ACOT13: variants seen among roughly 807,000 people sequenced by gnomAD.
The protein encoded by ACOT13 is acyl-CoA thioesterase 13.
Under a neutral mutation model 11.8 loss-of-function variants are expected in ACOT13, and 10 were observed. The observed-to-expected ratio is 0.85, with a 90% CI of 0.53 to 1.44. ACOT13 has a LOEUF of 1.44. ACOT13 is among the 40% of genes most tolerant of loss of function. The pLI is 0.00. For missense variants in ACOT13, 172 were observed against 174.1 expected, an observed-to-expected ratio of 0.99 and a Z score of 0.07; for synonymous variants, 53 against 61.0, an observed-to-expected ratio of 0.87 and a Z score of 0.61.
chr6:24,684,868 C>T (rs1778604930), intron 1 of ACOT13, among the ~76,000 whole-genome samples: 1 of 151,950 alleles, frequency 6.6e-6, no homozygotes, highest in African/African-American at 2.4e-5. Context: ...AAAAATTTTC[C>T]AGGCATGATA....
intron 1 of ACOT13, among the ~76,000 whole-genome samples, chr6:24,685,433 G>A (rs1778614683): frequency 6.9e-6 from 1 of 145,092 alleles, no homozygotes; most frequent in Non-Finnish European, 1.5e-5. Context: ...TGCAAGCTCC[G>A]CCTCCCGGGT....
At chr6:24,689,390 T>C (rs1359236214) in intron 1 of ACOT13, among the ~76,000 whole-genome samples, 1 of 150,228 alleles carries the variant, frequency 6.7e-6, no homozygotes, top group African/African-American at 2.5e-5. Flanking sequence ...GCGTGCCTTC[T>C]CCTTTTGGGT....
Position 24,702,323 on chromosome 6 carries a change from C to G in ACOT13, c.*708C>G, listed in dbSNP as rs1168277869. ...AACAGGGTTCACCATGTTGGCCAGG[C>G]TGGTCTCGAACTCGTGACCTCAGGT... On this transcript the variant is annotated 3_prime_UTR_variant, in exon 3 of 3. Coordinates refer to ENST00000230048, the MANE Select transcript of ACOT13 (RefSeq NM_018473.4). 1.3e-5 allele frequency: 2 copies of G among 152,320 alleles called. No homozygotes were observed. Among genetic ancestry groups the G allele is most frequent in the Non-Finnish European group, 2.9e-5 (2 of 68,140 alleles). The allele number at this position is 152,320 out of a possible 1,614,324, so 9.4% of individuals were successfully genotyped here. A position where few individuals can be genotyped will look rare whatever the true frequency, so the allele number is the denominator to read the frequency against.
chr6:24,695,186 G>A (rs1313915582), intron 1 of ACOT13, among the ~76,000 whole-genome samples: 1 of 152,110 alleles, frequency 6.6e-6, no homozygotes, highest in Non-Finnish European at 1.5e-5. Flanking sequence ...GCACGCACCT[G>A]TAGTCCCATC....
At position 24,702,662 on chromosome 6, in the gene ACOT13, A is replaced by G. The variant is rs1778912438; in HGVS notation, c.*1047A>G. 6.6e-6 allele frequency: 1 copy of G among 152,184 alleles called. No homozygotes were observed. The highest frequency in any genetic ancestry group is 1.5e-5 in the Non-Finnish European group (1 of 68,024). 9.4% of individuals were successfully genotyped at this position (152,184 alleles called of 1,614,324 possible). ...AGATTATGAAACTTCAAAATATATG[A>G]ACTACAGCCCATATTGAAAAATAAA... On this transcript the variant is annotated 3_prime_UTR_variant, in exon 3 of 3. Coordinates refer to ENST00000230048, the MANE Select transcript of ACOT13 (RefSeq NM_018473.4).
At chr6:24,693,184 T>C (rs1480735427) in intron 1 of ACOT13, among the ~76,000 whole-genome samples, 2 of 152,222 alleles carry the variant, frequency 1.3e-5, no homozygotes, top group African/African-American at 2.4e-5. Context: ...TTCACAAATA[T>C]ACACATACAA....
In ACOT13 at chr6:24,703,619, G is replaced by T. The variant is rs561099329; in HGVS notation, c.*2004G>T. ...TCTCTTACAACAAATGCTGTAAATG[G>T]ACAAAGCATTAGATTTGGAAAATCA... is the stretch of plus-strand genomic sequence containing the variant. On this transcript the variant is annotated 3_prime_UTR_variant, in exon 3 of 3. Transcript: ENST00000230048. 6.6e-6 allele frequency: 1 copy of T among 152,202 alleles called. No individual in the cohort carries two copies. Among genetic ancestry groups the T allele is most frequent in the South Asian group, 2.1e-4 (1 of 4,830 alleles). The allele number at this position is 152,202 out of a possible 1,614,324, so 9.4% of individuals were successfully genotyped here.
At chr6:24,674,419 G>GT (rs1472286454) in intron 1 of ACOT13, among the ~76,000 whole-genome samples, 3 of 150,624 alleles carry the variant, frequency 2.0e-5, no homozygotes, top group Admixed American at 6.6e-5. Flanking sequence ...TTGTTTTTTT[G>GT]TTTTTTTGAG....
chr6:24,673,328 T>C (rs747562965), intron 1 of ACOT13, among the ~76,000 whole-genome samples: 2 of 152,250 alleles, frequency 1.3e-5, no homozygotes, highest in East Asian at 3.9e-4. Context: ...GCAATAAAAA[T>C]TGAACTTTCA....
chr6:24,698,067 C>T lies in ACOT13; in HGVS notation c.266C>T (p.Thr89Met), dbSNP rs370510266. The T allele has an allele frequency of 9.4e-6, 15 of 1,595,378 alleles. No homozygotes were observed. Among genetic ancestry groups the T allele is most frequent in the East Asian group, 2.3e-5 (1 of 44,416 alleles). Residue 89 changes from threonine to methionine, a missense_variant and splice_region_variant, in exon 2 of 3, where the codon ACG (threonine) becomes ATG (methionine). Thr to Met is a moderately conservative substitution (Grantham distance 81). Coordinates refer to ENST00000230048, the MANE Select transcript of ACOT13 (RefSeq NM_018473.4). ...GGAGTCAGTGTCGATATGAACATAA[C>T]GTATGTATCCAAACTGTATTCCAAA... ...APGVSVDMNI[T>M]YMSPAKLGED...
intron 1 of ACOT13, among the ~76,000 whole-genome samples, chr6:24,667,683 C>A (rs1040382775): frequency 7.2e-5 from 11 of 152,298 alleles, no homozygotes; most frequent in African/African-American, 2.6e-4. Flanking sequence ...AGGCACATTA[C>A]AGTCTAATTC....
intron 1 of ACOT13, among the ~76,000 whole-genome samples, chr6:24,688,205 A>G (rs978035598): frequency 1.3e-5 from 2 of 152,006 alleles, no homozygotes; most frequent in Admixed American, 1.3e-4. Context: ...TCAAAGATCT[A>G]TGCACAAAAA....
chr6:24,667,230 T>G lies in ACOT13; in HGVS notation c.-34T>G. 6.2e-7 allele frequency: 1 copy of G among 1,608,292 alleles called. No homozygotes were observed. Among genetic ancestry groups the G allele is most frequent in the Non-Finnish European group, 8.5e-7 (1 of 1,175,534 alleles). ...TTCCAGCTCTTCCGAAGTTCGTTCT[T>G]GCGCAAAGCCCAAAGGCTGGAAAAC... is the stretch of plus-strand genomic sequence containing the variant. On this transcript the variant is annotated 5_prime_UTR_variant, in exon 1 of 3. Coordinates refer to ENST00000230048, the MANE Select transcript of ACOT13 (RefSeq NM_018473.4).
chr6:24,668,000 G>A (rs1464137330), intron 1 of ACOT13, among the ~76,000 whole-genome samples: 1 of 152,156 alleles, frequency 6.6e-6, no homozygotes, highest in African/African-American at 2.4e-5. Flanking sequence ...CACCTCCCTG[G>A]TTCAAACAAT....
Position 24,701,813 on chromosome 6 carries a change from G to A in ACOT13, c.*198G>A, listed in dbSNP as rs1418821407. The A allele has an allele frequency of 1.6e-5, 8 of 491,888 alleles. No individual in the cohort carries two copies. The East Asian group carries it at 2.0e-4, about 13-fold the overall frequency. The allele number at this position is 491,888 out of a possible 1,614,324, so 30.5% of individuals were successfully genotyped here. On this transcript the variant is annotated 3_prime_UTR_variant, in exon 3 of 3. Transcript: ENST00000230048. Reference sequence around the variant, plus strand: ...TTTAAGCATCTTGTTTTCTAATCATGTGTGATAATTGGGTGAAAAATTCTT... The same window carrying A: ...TTTAAGCATCTTGTTTTCTAATCATATGTGATAATTGGGTGAAAAATTCTT...
Position 24,697,619 on chromosome 6 carries a change from A to G in ACOT13, c.82-264A>G, listed in dbSNP as rs372010825. Among the ~76,000 whole-genome samples the G allele has an allele frequency of 4.7e-4, 72 of 152,352 alleles. No homozygotes were observed. The South Asian group carries it at 0.013, about 28-fold the overall frequency. ...CATTAAAAAATGCCAGGCGTCATAC[A>G]TATGACTGAAAAGCTCAGACTGAAT... is the stretch of plus-strand genomic sequence containing the variant. On this transcript the variant is annotated intron_variant, in intron 1 of 2. Coordinates refer to ENST00000230048, the MANE Select transcript of ACOT13 (RefSeq NM_018473.4).
chr6:24,687,405 T>C, intron 1 of ACOT13: 1 of 1,207,190 alleles, frequency 8.3e-7, no homozygotes, highest in Non-Finnish European at 1.0e-6. Flanking sequence ...TCTCCCACAG[T>C]AACACGTGGA....
At chr6:24,698,526 A>T (rs977684605) in intron 2 of ACOT13, among the ~76,000 whole-genome samples, 3 of 151,878 alleles carry the variant, frequency 2.0e-5, no homozygotes, top group Non-Finnish European at 4.4e-5. Flanking sequence ...ATTTAATTTT[A>T]AAAATACCAC....
chr6:24,672,614 T>C (rs1778382382), intron 1 of ACOT13, among the ~76,000 whole-genome samples: 2 of 152,186 alleles, frequency 1.3e-5, no homozygotes, highest in African/African-American at 4.8e-5. Context: ...AGTTCCAGCC[T>C]GGGTGACAGG....
Sources: gnomAD v4.1 joint callset for allele counts (sites outside exome capture counted in the v4.1 genomes callset) on GRCh38, gnomAD v4.1.1 for gene constraint, MANE v1.5 for transcripts, NCBI Gene and HGNC (gene_info 2026-07-23, HGNC 2026-07-21) for gene names.